The following MRC1 variants were observed in gnomAD, a reference collection of about 807,000 sequenced individuals.
MRC1 encodes the protein macrophage mannose receptor 1.
Under a neutral mutation model 102.9 loss-of-function variants are expected in MRC1, and 62 were observed. The ratio of observed to expected loss-of-function variants is 0.60; its 90% CI spans 0.49 to 0.74. The LOEUF is 0.74. Among genes scored for constraint, MRC1 ranks in the 30% least tolerant of loss-of-function variants. MRC1 has a pLI of 0.00. For missense variants in MRC1, 1,237 were observed against 862.8 expected (o/e 1.43, Z -5.43); for synonymous variants, 457 against 298.4 (o/e 1.53, Z -5.48).
chr10:17,840,777 G>A lies in MRC1; in HGVS notation c.887G>A (p.Ser296Asn), dbSNP rs1838738199. 2.6e-6 allele frequency: 2 copies of A among 780,884 alleles called. No individual in the cohort carries two copies. Among genetic ancestry groups the A allele is most frequent in the Non-Finnish European group, 4.8e-6 (2 of 417,960 alleles). 48.4% of individuals were successfully genotyped at this position (780,884 alleles called of 1,614,324 possible). ...FNSGWQWSDR[S>N]PFRYLNWLPG... ...AGCGGTTGGCAGTGGAGTGACCGCA[G>A]TCCTTTCCGATATTTGAACTGGTTA... The change falls in exon 5 of 30, where the codon AGT becomes AAT. Residue 296 changes from serine to asparagine, a missense_variant. Physicochemically the swap from Ser to Asn is conservative, Grantham distance 46. Coordinates refer to ENST00000569591, the MANE Select transcript of MRC1 (RefSeq NM_002438.4).
chr10:17,841,339 A>T (rs1554839891), intron 5 of MRC1, among the ~76,000 whole-genome samples: 1 of 152,230 alleles, frequency 6.6e-6, no homozygotes, highest in African/African-American at 2.4e-5. Context: ...TGATTTTAAC[A>T]TCTACATTAA....
intron 8 of MRC1, among the ~76,000 whole-genome samples, chr10:17,855,463 C>T (rs921409708): frequency 2.5e-4 from 36 of 144,412 alleles, no homozygotes; most frequent in Admixed American, 2.3e-3. Context: ...CCCAGCTACT[C>T]AGGAGGCTGA....
chr10:17,875,852 T>C (rs980176135), intron 17 of MRC1, among the ~76,000 whole-genome samples: 2 of 152,352 alleles, frequency 1.3e-5, no homozygotes, highest in East Asian at 3.9e-4. Context: ...CTGTTTTGCA[T>C]AGTGGTTGTA....
intron 16 of MRC1, among the ~76,000 whole-genome samples, 191 bp downstream of exon 16, chr10:17,874,016 G>A (rs1342800696): frequency 6.6e-6 from 1 of 152,202 alleles, no homozygotes; most frequent in Non-Finnish European, 1.5e-5. Flanking sequence ...CATAAGGCAT[G>A]TTAATACAGT....
At chr10:17,821,108 G>A (rs1838388814) in intron 1 of MRC1, among the ~76,000 whole-genome samples, 1 of 152,090 alleles carries the variant, frequency 6.6e-6, no homozygotes, top group Admixed American at 6.6e-5. Context: ...CTGGATCCAG[G>A]CTTTACTGAG....
At chr10:17,847,568 G>A (rs1234421527) in intron 6 of MRC1, among the ~76,000 whole-genome samples, 1 of 152,208 alleles carries the variant, frequency 6.6e-6, no homozygotes, top group Non-Finnish European at 1.5e-5. Context: ...ACAGCCTTAG[G>A]CAAGAATTCA....
At chr10:17,840,603 T>A in intron 4 of MRC1, 90 bp from the exon 5 acceptor site, 1 of 762,834 alleles carries the variant, frequency 1.3e-6, no homozygotes, top group Non-Finnish European at 2.4e-6. Context: ...AGTGACATTT[T>A]GATTCAAGCA....
chr10:17,863,689 G>A lies in MRC1; in HGVS notation c.1783+7G>A. The A allele has an allele frequency of 1.2e-5, 9 of 780,738 alleles. No homozygotes were observed. The highest frequency in any genetic ancestry group is 9.4e-5 in the South Asian group (7 of 74,560). The allele number at this position is 780,738 out of a possible 1,614,324, so 48.4% of individuals were successfully genotyped here. A position where few individuals can be genotyped will look rare whatever the true frequency, so the allele number is the denominator to read the frequency against. On this transcript the variant is annotated splice_region_variant and intron_variant, in intron 11 of 29. Transcript: ENST00000569591. ...TGGAATTCAGATATGCCAGGTACGG[G>A]CAGCGCTTAGGTTGAGGGTTGCTTT... is the stretch of plus-strand genomic sequence containing the variant.
At chr10:17,847,210 TCCATGTTGCC>T (rs1469697141) in intron 6 of MRC1, among the ~76,000 whole-genome samples, 1 of 152,226 alleles carries the variant, frequency 6.6e-6, no homozygotes, top group Non-Finnish European at 1.5e-5. Flanking sequence ...ACTTGGAATT[TCCATGTTGCC>T]AAAGAGGAGA....
chr10:17,814,417 C>T (rs797043863), intron 1 of MRC1, among the ~76,000 whole-genome samples: 55,856 of 152,018 alleles, frequency 0.37, 10,501 homozygotes, highest in African/African-American at 0.4. Context: ...GTATTAGATG[C>T]AGATAATATG....
chr10:17,864,094 C>A (rs1833226776), intron 11 of MRC1, among the ~76,000 whole-genome samples: 1 of 152,026 alleles, frequency 6.6e-6, no homozygotes, highest in African/African-American at 2.4e-5. Context: ...CCTCAACCTT[C>A]TGGGTTCAAA....
rs1242339585 is a variant in MRC1, at chr10:17,894,307, G to T, written c.3245G>T (p.Arg1082Leu). ...AAACGAGGCTACATATGCCAGACAC[G>T]ATCCGGTAAGTTCTACCAAACCTTA... The part of the protein sequence containing the change: ...DSKRGYICQT[R>L]SDPSLTNPPA... The change falls in exon 23 of 30, where the codon CGA becomes CTA. Residue 1082 changes from arginine (R) to leucine (L), a missense_variant. Physicochemically the swap from Arg to Leu is moderately radical, Grantham distance 102. Coordinates refer to ENST00000569591, the MANE Select transcript of MRC1 (RefSeq NM_002438.4). 3 of 871,894 alleles carry T rather than the reference G, an allele frequency of 3.4e-6. No homozygotes were observed. The highest frequency in any genetic ancestry group is 6.0e-6 in the Non-Finnish European group (3 of 501,392). The allele number at this position is 871,894 out of a possible 1,614,324, so 54.0% of individuals were successfully genotyped here. A position where few individuals can be genotyped will look rare whatever the true frequency, so the allele number is the denominator to read the frequency against.
chr10:17,859,050 C>A (rs1458334065), intron 9 of MRC1, among the ~76,000 whole-genome samples: 1 of 152,170 alleles, frequency 6.6e-6, no homozygotes, highest in Admixed American at 6.5e-5. Context: ...ATCCAATTGA[C>A]TAATTTCCTA....
chr10:17,874,641 G>A (rs1251459128), intron 16 of MRC1, among the ~76,000 whole-genome samples: 4 of 152,002 alleles, frequency 2.6e-5, no homozygotes, highest in South Asian at 2.1e-4. Flanking sequence ...CACTTGATAC[G>A]TGAATTCCTT....
chr10:17,863,623 C>T lies in MRC1; in HGVS notation c.1724C>T (p.Thr575Ile). ...TGLSDIQTKG[T>I]FQWTIEEEVR... ...CTTTCAGATATACAAACCAAAGGGA[C>T]TTTTCAGTGGACCATCGAGGAAGAG... The change falls in exon 11 of 30, where the codon ACT becomes ATT. Residue 575 changes from threonine to isoleucine, a missense_variant. By Grantham distance (89) the Thr-to-Ile change is moderately conservative (BLOSUM62 -1). Transcript: ENST00000569591. 1.3e-6 allele frequency: 1 copy of T among 780,824 alleles called. No individual in the cohort carries two copies. Among genetic ancestry groups the T allele is most frequent in the Non-Finnish European group, 2.4e-6 (1 of 417,956 alleles). 48.4% of individuals were successfully genotyped at this position (780,824 alleles called of 1,614,324 possible). A position where few individuals can be genotyped will look rare whatever the true frequency, so the allele number is the denominator to read the frequency against.
At chr10:17,864,369 G>C (rs2130665194) in intron 11 of MRC1, among the ~76,000 whole-genome samples, 1 of 152,232 alleles carries the variant, frequency 6.6e-6, no homozygotes, top group East Asian at 1.9e-4. Context: ...GTGCAATTAG[G>C]AGTTGAAATA....
chr10:17,850,950 A>G (rs2130644140), intron 7 of MRC1, among the ~76,000 whole-genome samples: 1 of 152,324 alleles, frequency 6.6e-6, no homozygotes, highest in African/African-American at 2.4e-5. Context: ...CAGCCTATGA[A>G]CAATTTCTTG....
At chr10:17,818,041 A>C (rs1838338875) in intron 1 of MRC1, among the ~76,000 whole-genome samples, 1 of 152,200 alleles carries the variant, frequency 6.6e-6, no homozygotes, top group Non-Finnish European at 1.5e-5. Flanking sequence ...TCAAACTTAC[A>C]CTGCTTCCTA....
intron 28 of MRC1, 53 bp downstream of exon 28, chr10:17,907,751 A>C: frequency 1.3e-6 from 1 of 778,708 alleles, no homozygotes; most frequent in East Asian, 2.4e-5. Context: ...ATTTCTTTCA[A>C]ATAGTAAGAT....
Sources: gnomAD v4.1 joint callset for allele counts (sites outside exome capture counted in the v4.1 genomes callset) on GRCh38, gnomAD v4.1.1 for gene constraint, MANE v1.5 for transcripts, NCBI Gene and HGNC (gene_info 2026-07-23, HGNC 2026-07-21) for gene names.